The following SFMBT1 variants were observed in gnomAD, a reference collection of about 807,000 sequenced individuals.
The protein encoded by SFMBT1 is scm-like with four MBT domains protein 1.
Under a neutral mutation model 108.7 loss-of-function variants are expected in SFMBT1, and 32 were observed. That is an observed-to-expected ratio of 0.29 (90% CI 0.22 to 0.40). SFMBT1 has a LOEUF of 0.40. Among genes scored for constraint, SFMBT1 ranks in the 10% least tolerant of loss-of-function variants. SFMBT1 has a pLI of 1.00. For synonymous variants in SFMBT1, 348 were observed against 369.5 expected, an observed-to-expected ratio of 0.94 and a Z score of 0.67; for missense variants, 816 against 1,059.6, an observed-to-expected ratio of 0.77 and a Z score of 3.19.
intron 14 of SFMBT1, among the ~76,000 whole-genome samples, chr3:52,915,594 A>G (rs1445109207): frequency 2.0e-5 from 3 of 152,242 alleles, no homozygotes; most frequent in Non-Finnish European, 4.4e-5. Flanking sequence ...GATGCTAAAC[A>G]TTACACAACA....
chr3:52,959,970 T>C (rs1703906268), intron 2 of SFMBT1, among the ~76,000 whole-genome samples: 1 of 151,956 alleles, frequency 6.6e-6, no homozygotes, highest in African/African-American at 2.4e-5. Flanking sequence ...ATACTCCACA[T>C]GACCACAAGG....
intron 1 of SFMBT1, among the ~76,000 whole-genome samples, chr3:52,971,065 G>T (rs1301332522): frequency 6.6e-6 from 1 of 152,018 alleles, no homozygotes; most frequent in Non-Finnish European, 1.5e-5. Context: ...AGCCCAGGAG[G>T]CTGAGGGTAA....
intron 1 of SFMBT1, among the ~76,000 whole-genome samples, chr3:52,971,379 C>T (rs1416023171): frequency 1.3e-5 from 2 of 151,988 alleles, no homozygotes; most frequent in African/African-American, 2.4e-5. Context: ...AATCGTATCA[C>T]AGAATATAAG....
intron 4 of SFMBT1, among the ~76,000 whole-genome samples, chr3:52,942,053 G>A (rs1385953064): frequency 1.3e-5 from 2 of 152,118 alleles, no homozygotes; most frequent in Non-Finnish European, 2.9e-5. Context: ...AGGAGTTGGA[G>A]ACCAGTCTGG....
chr3:52,927,341 T>C (rs992599236), intron 9 of SFMBT1, among the ~76,000 whole-genome samples: 3 of 152,218 alleles, frequency 2.0e-5, no homozygotes, highest in African/African-American at 2.4e-5. Flanking sequence ...ACATGAATGT[T>C]TGTTGAATGA....
chr3:52,983,590 G>C (rs1177486031), intron 1 of SFMBT1, among the ~76,000 whole-genome samples: 2 of 152,204 alleles, frequency 1.3e-5, no homozygotes, highest in Non-Finnish European at 2.9e-5. Context: ...TTAACAGAGT[G>C]ATCAAAGCCT....
chr3:53,009,279 T>C (rs1698862502), intron 1 of SFMBT1, among the ~76,000 whole-genome samples: 1 of 151,952 alleles, frequency 6.6e-6, no homozygotes, highest in Admixed American at 6.6e-5. Flanking sequence ...AAACCCCGTC[T>C]GTACTAAAAA....
rs758335043 is a variant in SFMBT1, at chr3:52,943,613, T to C, written c.124-20A>G. On this transcript the variant is annotated intron_variant, in intron 3 of 20. Transcript: ENST00000394752. The stretch of plus-strand genomic sequence containing the variant: ...GTCCACCTTAACAGGGAAATGTTAT[T>C]AAGCACCAGACAAGTATCTTAAATG... 2 of 1,614,220 alleles carry C rather than the reference T, an allele frequency of 1.2e-6. No homozygotes were observed. Among genetic ancestry groups the C allele is most frequent in the Non-Finnish European group, 1.7e-6 (2 of 1,180,014 alleles).
At chr3:52,912,472 C>T (rs1189089206) in intron 16 of SFMBT1, 66 bp downstream of exon 16, 10 of 1,402,526 alleles carry the variant, frequency 7.1e-6, no homozygotes, top group Non-Finnish European at 8.1e-6. Flanking sequence ...GCCACTGTGC[C>T]ACGCCGATTC....
At position 53,001,925 on chromosome 3, in the gene SFMBT1, T is replaced by TCTCACACACACACACA. The variant is rs1448849638; in HGVS notation, c.-130-32668_-130-32667insTGTGTGTGTGTGTGAG. Among the ~76,000 whole-genome samples, 243 of 129,230 alleles carry TCTCACACACACACACA rather than the reference T, an allele frequency of 1.9e-3. 7 individuals are homozygous for TCTCACACACACACACA. Among genetic ancestry groups the TCTCACACACACACACA allele is most frequent in the African/African-American group, 6.2e-3 (223 of 35,828 alleles). 84.8% of individuals were successfully genotyped at this position (129,230 alleles called of 152,430 possible). On this transcript the variant is annotated intron_variant, in intron 1 of 20. Transcript: ENST00000394752. ...GGGCAACAGAGCAAGACCCAGTCTCTCACACACACACACACACACACACAC... is the reference window on the plus strand; with the variant it reads ...GGGCAACAGAGCAAGACCCAGTCTCTCTCACACACACACACACACACACACACACACACACACACAC...
chr3:52,980,920 T>C (rs1008542079), intron 1 of SFMBT1, among the ~76,000 whole-genome samples: 1 of 152,114 alleles, frequency 6.6e-6, no homozygotes, highest in Non-Finnish European at 1.5e-5. Flanking sequence ...CCCAGCACTT[T>C]GGGAGGCCGA....
At chr3:52,954,928 AGAATTCTGTAG>A (rs575547375) in intron 2 of SFMBT1, among the ~76,000 whole-genome samples, 2 of 152,212 alleles carry the variant, frequency 1.3e-5, no homozygotes, top group Admixed American at 6.5e-5. Context: ...AATCCATAGA[AGAATTCTGTAG>A]GTACTATCTT....
intron 2 of SFMBT1, among the ~76,000 whole-genome samples, chr3:52,960,267 C>A (rs115039820): frequency 4.0e-4 from 61 of 151,996 alleles, no homozygotes; most frequent in Non-Finnish European, 7.6e-4. Flanking sequence ...GAAAAGAATA[C>A]GTATCAACTT....
intron 2 of SFMBT1, among the ~76,000 whole-genome samples, chr3:52,964,837 CAAAT>C (rs1309090994): frequency 6.6e-5 from 10 of 152,202 alleles, no homozygotes; most frequent in Admixed American, 4.6e-4. Context: ...ATTTGATCAT[CAAAT>C]GAATGATGAC....
At chr3:53,026,433 C>G (rs2564951) in intron 1 of SFMBT1, among the ~76,000 whole-genome samples, 1 of 152,126 alleles carries the variant, frequency 6.6e-6, no homozygotes, top group African/African-American at 2.4e-5. Context: ...ACGACTCACA[C>G]GTAGCCACTC....
chr3:53,020,218 G>A (rs2581776), intron 1 of SFMBT1, among the ~76,000 whole-genome samples: 42,365 of 151,784 alleles, frequency 0.28, 6,635 homozygotes, highest in East Asian at 0.49. Flanking sequence ...GTGAAACCCC[G>A]TCTCTACTAA....
chr3:52,906,949 T>C, intron 19 of SFMBT1, 120 bp downstream of exon 19: 1 of 1,310,120 alleles, frequency 7.6e-7, no homozygotes, highest in East Asian at 2.4e-5. Flanking sequence ...CAAGAGACCC[T>C]GGAAATTCTA....
At chr3:52,912,739 AT>A in intron 15 of SFMBT1, 92 bp from the exon 16 acceptor site, 1 of 930,282 alleles carries the variant, frequency 1.1e-6, no homozygotes, top group Non-Finnish European at 1.7e-6. Context: ...TGTTAAGATT[AT>A]TTAGGAGGTT....
chr3:53,043,056 C>G (rs1342750134), intron 1 of SFMBT1: 1 of 152,218 alleles, frequency 6.6e-6, no homozygotes, highest in African/African-American at 2.4e-5. Context: ...TAGAACATTC[C>G]CAACTTTTAT....
Sources: allele counts gnomAD v4.1 joint callset (sites outside exome capture counted in the v4.1 genomes callset), GRCh38; gene constraint gnomAD v4.1.1; transcripts MANE v1.5; gene names NCBI Gene and HGNC (gene_info 2026-07-23, HGNC 2026-07-21).